The following XRCC1 variants were observed in gnomAD, a reference collection of about 807,000 sequenced individuals.
XRCC1 encodes X-ray repair cross complementing 1.
Under a neutral mutation model 83.3 loss-of-function variants are expected in XRCC1, and 52 were observed. The ratio of observed to expected loss-of-function variants is 0.62; its 90% CI spans 0.50 to 0.79. The LOEUF is 0.79. Ranked by LOEUF, XRCC1 falls within the 30% of genes least tolerant of loss-of-function variation. The pLI is 0.00. For missense variants in XRCC1, 793 were observed against 823.5 expected (o/e 0.96, Z 0.45); for synonymous variants, 281 against 312.6 (o/e 0.90, Z 1.07).
intron 3 of XRCC1, chr19:43,555,376 G>A (rs925642863): frequency 1.3e-5 from 2 of 152,276 alleles, no homozygotes; most frequent in African/African-American, 4.8e-5. Flanking sequence ...GGGGGCAAGA[G>A]AGAGAGTTTG....
chr19:43,564,626 TA>T (rs1972734087), intron 2 of XRCC1, among the ~76,000 whole-genome samples: 1 of 151,786 alleles, frequency 6.6e-6, no homozygotes, highest in African/African-American at 2.4e-5. Flanking sequence ...CCGTCTCTAC[TA>T]AAAATACAAA....
At chr19:43,570,763 C>A (rs561637053) in intron 2 of XRCC1, among the ~76,000 whole-genome samples, 4 of 152,292 alleles carry the variant, frequency 2.6e-5, no homozygotes, top group African/African-American at 7.2e-5. Context: ...CCAACCTGGG[C>A]AAGAGAGTGA....
chr19:43,553,031 G>C lies in XRCC1; in HGVS notation c.662C>G (p.Ala221Gly). 6.2e-7 allele frequency: 1 copy of C among 1,600,048 alleles called. No homozygotes were observed. Among genetic ancestry groups the C allele is most frequent in the South Asian group, 1.1e-5 (1 of 88,868 alleles). ...GGAGACTGGAGAGGCTGAGGAGGCA[G>C]CACTAGAAGCCTGGAGGGTAGCAGC... ...YAAATLQASS[A>G]ASSASPVSRA... The change falls in exon 7 of 17, where the codon GCT becomes GGT. Residue 221 changes from alanine to glycine, a missense_variant. Ala to Gly is a moderately conservative substitution (Grantham distance 60, BLOSUM62 0). Coordinates refer to ENST00000262887, the MANE Select transcript of XRCC1 (RefSeq NM_006297.3).
intron 10 of XRCC1, among the ~76,000 whole-genome samples, chr19:43,549,844 T>C (rs1972557859): frequency 6.6e-6 from 1 of 152,196 alleles, no homozygotes; most frequent in Non-Finnish European, 1.5e-5. Flanking sequence ...GCTTTGTGAA[T>C]TCTTTTTGTT....
intron 2 of XRCC1, among the ~76,000 whole-genome samples, chr19:43,566,758 A>G (rs1025896488): frequency 1.3e-5 from 2 of 151,084 alleles, no homozygotes; most frequent in African/African-American, 4.9e-5. Flanking sequence ...ATGCGCCTGT[A>G]GTCCCAGCTA....
chr19:43,552,322 C>T (rs374815363), intron 8 of XRCC1, 47 bp from the exon 9 acceptor site: 2 of 1,400,866 alleles, frequency 1.4e-6, no homozygotes, highest in African/African-American at 1.4e-5. Context: ...TGGGGGTCAA[C>T]CCCCAGCCCC....
At chr19:43,548,177 G>A (rs1315519620) in intron 10 of XRCC1, among the ~76,000 whole-genome samples, 13 of 150,574 alleles carry the variant, frequency 8.6e-5, no homozygotes, top group Admixed American at 5.3e-4. Flanking sequence ...CCGCCCGGCC[G>A]CCGCCCCGTC....
intron 3 of XRCC1, among the ~76,000 whole-genome samples, chr19:43,557,818 A>AAGGAAGG (rs1972654631): frequency 1.3e-5 from 2 of 148,580 alleles, no homozygotes; most frequent in Non-Finnish European, 3.0e-5. Context: ...AAAAAAAAAA[A>AAGGAAGG]AGGAAGGAGG....
chr19:43,565,414 G>A (rs547889171), intron 2 of XRCC1, among the ~76,000 whole-genome samples: 45 of 152,226 alleles, frequency 3.0e-4, no homozygotes, highest in African/African-American at 9.1e-4. Flanking sequence ...AGAGTACTTC[G>A]GACGCAACTG....
intron 3 of XRCC1, among the ~76,000 whole-genome samples, chr19:43,560,244 A>C (rs1972683365): frequency 6.6e-6 from 1 of 151,722 alleles, no homozygotes; most frequent in Non-Finnish European, 1.5e-5. Flanking sequence ...CAAAAAAAAA[A>C]AGTTAGCCGG....
At chr19:43,551,323 T>C (rs1972572079) in intron 10 of XRCC1, among the ~76,000 whole-genome samples, 1 of 152,226 alleles carries the variant, frequency 6.6e-6, no homozygotes, top group African/African-American at 2.4e-5. Flanking sequence ...CCCTGAGTTT[T>C]TGCACAAACT....
At chr19:43,559,409 G>C (rs1972673627) in intron 3 of XRCC1, among the ~76,000 whole-genome samples, 1 of 142,548 alleles carries the variant, frequency 7.0e-6, no homozygotes, top group African/African-American at 2.6e-5. Flanking sequence ...GAACCCGGGA[G>C]GTGGAGCTTG....
At chr19:43,548,210 C>T (rs1972537163) in intron 10 of XRCC1, among the ~76,000 whole-genome samples, 1 of 151,934 alleles carries the variant, frequency 6.6e-6, no homozygotes, top group Admixed American at 6.6e-5. Flanking sequence ...GGCGCCTCTG[C>T]CCGGCCGCCC....
intron 3 of XRCC1, among the ~76,000 whole-genome samples, chr19:43,558,726 T>C (rs888406900): frequency 7.2e-5 from 11 of 151,866 alleles, no homozygotes; most frequent in Non-Finnish European, 1.3e-4. Flanking sequence ...AAGAAAACTA[T>C]ACATATCAAT....
At chr19:43,546,228 G>T in intron 12 of XRCC1, 122 bp from the exon 13 acceptor site, 1 of 1,139,754 alleles carries the variant, frequency 8.8e-7, no homozygotes. Context: ...TCCAGATCCA[G>T]TCGTCTGGGC....
chr19:43,553,483 G>C lies in XRCC1; in HGVS notation c.519C>G (p.Phe173Leu), dbSNP rs749053273. The C allele has an allele frequency of 3.5e-5, 57 of 1,614,042 alleles. No homozygotes were observed. Among genetic ancestry groups the C allele is most frequent in the Admixed American group, 2.8e-4 (17 of 60,010 alleles). ...CGCTCTCATCCTCCTCCTTCACACG[G>C]AACTGGCCAAGCTTGGTCACTGTCA... Reference protein sequence around the residue: ...QKVTVTKLGQFRVKEEDESAN... With the variant: ...QKVTVTKLGQLRVKEEDESAN... Residue 173 changes from phenylalanine to leucine, a missense_variant, in exon 6 of 17, where the codon TTC becomes TTG. Transcript: ENST00000262887.
At chr19:43,574,246 A>G (rs1972832219) in intron 2 of XRCC1, among the ~76,000 whole-genome samples, 1 of 151,732 alleles carries the variant, frequency 6.6e-6, no homozygotes, top group Non-Finnish European at 1.5e-5. Flanking sequence ...CAGCTAATCT[A>G]TAAAATTTTG....
chr19:43,544,463 G>A (rs140299822), intron 14 of XRCC1, among the ~76,000 whole-genome samples: 1 of 152,170 alleles, frequency 6.6e-6, no homozygotes, highest in East Asian at 1.9e-4. Context: ...GCCTATTATT[G>A]TGATTTGTTT....
intron 3 of XRCC1, among the ~76,000 whole-genome samples, chr19:43,558,831 T>TC (rs1972666099): frequency 6.7e-6 from 1 of 148,550 alleles, no homozygotes; most frequent in Admixed American, 6.7e-5. Context: ...AGGCAAGTCT[T>TC]TTTTTTTTTT....
Sources: gnomAD v4.1 joint callset for allele counts (sites outside exome capture counted in the v4.1 genomes callset) on GRCh38, gnomAD v4.1.1 for gene constraint, MANE v1.5 for transcripts, NCBI Gene and HGNC (gene_info 2026-07-23, HGNC 2026-07-21) for gene names.